The following ADGRB3 variants were observed in gnomAD, a reference collection of about 807,000 sequenced individuals.
ADGRB3 encodes adhesion G protein-coupled receptor B3.
ADGRB3 carries 37 observed loss-of-function variants against 193.4 expected under a neutral mutation model. The ratio of observed to expected loss-of-function variants is 0.19; its 90% CI spans 0.15 to 0.25. The LOEUF (loss-of-function observed/expected upper bound fraction) is 0.25, where lower values mean the gene tolerates loss of function less well. Ranked by LOEUF, ADGRB3 falls within the 10% of genes least tolerant of loss-of-function variation. ADGRB3 has a pLI of 1.00. For missense variants in ADGRB3, 1,637 were observed against 1,852.9 expected, an observed-to-expected ratio of 0.88 and a Z score of 2.14; for synonymous variants, 690 against 644.2, an observed-to-expected ratio of 1.07 and a Z score of -1.08.
intron 3 of ADGRB3, among the ~76,000 whole-genome samples, chr6:68,776,321 T>C (rs1321369218): frequency 6.6e-6 from 1 of 152,144 alleles, no homozygotes; most frequent in Non-Finnish European, 1.5e-5. Flanking sequence ...GACATAGACG[T>C]AGACAACTGT....
chr6:69,077,967 A>G (rs1772281467), intron 17 of ADGRB3, among the ~76,000 whole-genome samples: 1 of 151,992 alleles, frequency 6.6e-6, no homozygotes, highest in Non-Finnish European at 1.5e-5. Flanking sequence ...TAAACAATGA[A>G]GGTTAAGGCA....
At chr6:69,048,100 A>G in intron 13 of ADGRB3, 85 bp from the exon 14 acceptor site, 3 of 1,344,058 alleles carry the variant, frequency 2.2e-6, no homozygotes, top group Non-Finnish European at 3.1e-6. Context: ...TATTTTGAAT[A>G]TACTGCAAGA....
chr6:68,981,788 T>C (rs1374458584), intron 10 of ADGRB3, among the ~76,000 whole-genome samples: 1 of 151,610 alleles, frequency 6.6e-6, no homozygotes, highest in Non-Finnish European at 1.5e-5. Flanking sequence ...ACTTTGTTTC[T>C]GTTTTTAAGA....
chr6:69,156,573 G>A (rs531461055), intron 17 of ADGRB3, among the ~76,000 whole-genome samples: 5 of 152,176 alleles, frequency 3.3e-5, no homozygotes, highest in African/African-American at 4.8e-5. Context: ...ATAGTAAGGA[G>A]TAGGGATATG....
At chr6:69,268,628 C>G (rs1042036258) in intron 20 of ADGRB3, among the ~76,000 whole-genome samples, 19 of 152,124 alleles carry the variant, frequency 1.2e-4, no homozygotes, top group African/African-American at 4.6e-4. Context: ...GCCATAAGAC[C>G]CCTTGTTCTC....
chr6:69,244,243 T>C (rs1298812994), intron 20 of ADGRB3, among the ~76,000 whole-genome samples: 1 of 151,884 alleles, frequency 6.6e-6, no homozygotes, highest in Non-Finnish European at 1.5e-5. Context: ...CATCTTGTGG[T>C]TATTTACCTT....
intron 3 of ADGRB3, among the ~76,000 whole-genome samples, chr6:68,717,696 TA>T (rs1401404508): frequency 1.3e-5 from 2 of 151,552 alleles, no homozygotes; most frequent in Non-Finnish European, 3.0e-5. Context: ...AAAATTAAAC[TA>T]AATATTTCTT....
chr6:69,080,367 G>A (rs1772352647), intron 17 of ADGRB3, among the ~76,000 whole-genome samples: 1 of 151,926 alleles, frequency 6.6e-6, no homozygotes. Context: ...ACCTTTCCCT[G>A]CAGGGAATAA....
chr6:68,922,925 T>A (rs183520094), intron 3 of ADGRB3, among the ~76,000 whole-genome samples: 1 of 152,282 alleles, frequency 6.6e-6, no homozygotes, highest in East Asian at 1.9e-4. Flanking sequence ...GCTCAAAGAT[T>A]AGTTAATTGA....
At chr6:69,300,791 T>G (rs1044290421) in intron 20 of ADGRB3, among the ~76,000 whole-genome samples, 1 of 151,754 alleles carries the variant, frequency 6.6e-6, no homozygotes, top group African/African-American at 2.4e-5. Flanking sequence ...ATGAAAACTA[T>G]AAAACATTGA....
At chr6:68,716,306 A>G (rs1411304413) in intron 3 of ADGRB3, among the ~76,000 whole-genome samples, 3 of 151,636 alleles carry the variant, frequency 2.0e-5, no homozygotes, top group South Asian at 2.1e-4. Context: ...ATTTATTTGG[A>G]CAATATTTAT....
At chr6:69,199,393 G>T (rs186353499) in intron 17 of ADGRB3, among the ~76,000 whole-genome samples, 1 of 151,844 alleles carries the variant, frequency 6.6e-6, no homozygotes, top group Non-Finnish European at 1.5e-5. Flanking sequence ...TGATAGATAG[G>T]GATAGTAGTA....
At chr6:68,974,682 G>T (rs1768690072) in intron 8 of ADGRB3, 81 bp from the exon 9 acceptor site, 1 of 1,044,444 alleles carries the variant, frequency 9.6e-7, no homozygotes, top group African/African-American at 1.6e-5. Context: ...TCTGCAGTTA[G>T]AGAGGTGCCT....
At chr6:69,388,083 A>T (rs991433329) in intron 31 of ADGRB3, among the ~76,000 whole-genome samples, 3 of 143,996 alleles carry the variant, frequency 2.1e-5, no homozygotes, top group Non-Finnish European at 3.0e-5. Flanking sequence ...TTAAAAAAGT[A>T]TTTAGATAAA....
intron 30 of ADGRB3, among the ~76,000 whole-genome samples, chr6:69,374,239 T>C (rs1215307085): frequency 6.6e-6 from 1 of 152,104 alleles, no homozygotes; most frequent in Non-Finnish European, 1.5e-5. Flanking sequence ...AACAGGTATG[T>C]GGCAGATATT....
At position 68,720,084 on chromosome 6, in the gene ADGRB3, C is replaced by T. The variant is rs9454610; in HGVS notation, c.757+80652C>T. ...ATGAACATATTTGATATGAATCCTACAGCCGTGGAAAGTGCAAAATCAAGG... is the reference window on the plus strand; with the variant it reads ...ATGAACATATTTGATATGAATCCTATAGCCGTGGAAAGTGCAAAATCAAGG... On this transcript the variant is annotated intron_variant, in intron 3 of 31. Transcript: ENST00000370598. Among the ~76,000 whole-genome samples the T allele has an allele frequency of 6.8e-3, 1,032 of 151,898 alleles. 18 individuals carry two copies. Among genetic ancestry groups the T allele is most frequent in the African/African-American group, 0.024 (992 of 41,494 alleles).
intron 29 of ADGRB3, among the ~76,000 whole-genome samples, chr6:69,367,637 GT>G (rs955867125): frequency 4.0e-5 from 6 of 151,824 alleles, no homozygotes; most frequent in Non-Finnish European, 8.8e-5. Flanking sequence ...TTTTTCATGT[GT>G]TTTTTGGCTG....
At chr6:68,845,069 G>A (rs937884727) in intron 3 of ADGRB3, among the ~76,000 whole-genome samples, 11 of 152,000 alleles carry the variant, frequency 7.2e-5, no homozygotes, top group Non-Finnish European at 1.2e-4. Flanking sequence ...AAAACAGGGT[G>A]ACTACAGTCA....
At chr6:69,253,625 AG>A (rs1766676957) in intron 20 of ADGRB3, among the ~76,000 whole-genome samples, 1 of 152,088 alleles carries the variant, frequency 6.6e-6, no homozygotes, top group Non-Finnish European at 1.5e-5. Flanking sequence ...GTTTATGGAG[AG>A]AACTATGCAC....
Sources: gnomAD v4.1 joint callset for allele counts (sites outside exome capture counted in the v4.1 genomes callset) on GRCh38, gnomAD v4.1.1 for gene constraint, MANE v1.5 for transcripts, NCBI Gene and HGNC (gene_info 2026-07-23, HGNC 2026-07-21) for gene names.